Variants in JADE3 observed in about 807,000 individuals in gnomAD.
JADE3 encodes jade family PHD finger 3, also known as protein Jade-3.
A neutral mutation model predicts 50.1 loss-of-function variants in JADE3; 2 were observed. The ratio of observed to expected loss-of-function variants is 0.04; its 90% CI spans 0.02 to 0.13. The LOEUF (loss-of-function observed/expected upper bound fraction) is 0.13. JADE3 is among the 10% of genes least tolerant of loss of function. The pLI, the probability that JADE3 is intolerant of heterozygous loss-of-function variation, is 1.00. For synonymous variants in JADE3, 218 were observed against 232.9 expected (o/e 0.94, Z 0.58); for missense variants, 475 against 634.4 (o/e 0.75, Z 2.70).
chrX:47,051,158 G>A (rs1393426728), intron 8 of JADE3, among the ~76,000 whole-genome samples: 2 of 110,973 alleles, frequency 1.8e-5, no homozygotes, highest in African/African-American at 6.6e-5. Context: ...AGAAAATCAG[G>A]TACTCTCGAG....
intron 1 of JADE3, among the ~76,000 whole-genome samples, chrX:46,922,874 C>A (rs1556338066): frequency 1.8e-5 from 2 of 111,563 alleles, no homozygotes; most frequent in Non-Finnish European, 3.8e-5. Context: ...GTTTTCTTGC[C>A]TTTTGTTACG....
At position 47,061,069 on chromosome X, in the gene JADE3, A is replaced by G. The variant is rs1929770385; in HGVS notation, c.*1992A>G. ...GAAGGAGCCTTCAGTTGTAAATTTC[A>G]ATTACCCCAAAATGTATTTGCTACA... On this transcript the variant is annotated 3_prime_UTR_variant, in exon 11 of 11. Transcript: ENST00000614628. The G allele has an allele frequency of 8.9e-6, 1 of 111,876 alleles. No homozygotes were observed. The highest frequency in any genetic ancestry group is 1.9e-5 in the Non-Finnish European group (1 of 53,078). 9.2% of individuals were successfully genotyped at this position (111,876 alleles called of 1,213,427 possible). A position where few individuals can be genotyped will look rare whatever the true frequency, so the allele number is the denominator to read the frequency against.
intron 1 of JADE3, among the ~76,000 whole-genome samples, chrX:46,953,244 C>T (rs1376917094): frequency 3.4e-5 from 3 of 86,968 alleles, no homozygotes; most frequent in Admixed American, 1.6e-4. Context: ...TCCAGTTTCT[C>T]TGAGCATTAG....
chrX:46,972,028 G>A (rs1365287991), intron 1 of JADE3, among the ~76,000 whole-genome samples: 4 of 110,568 alleles, frequency 3.6e-5, no homozygotes, highest in Non-Finnish European at 7.6e-5. Flanking sequence ...AGTTTAGACC[G>A]GAGGTTGACA....
intron 1 of JADE3, among the ~76,000 whole-genome samples, chrX:46,933,052 A>G (rs1926529527): frequency 8.9e-6 from 1 of 112,167 alleles, no homozygotes; most frequent in African/African-American, 3.2e-5. Flanking sequence ...AAAATATACT[A>G]TAGCTCATGT....
intron 4 of JADE3, among the ~76,000 whole-genome samples, chrX:47,015,581 C>CA (rs56831185): frequency 0.4 from 26,509 of 66,923 alleles, 5,194 homozygotes; most frequent in African/African-American, 0.69. Context: ...AAGACTGTCT[C>CA]AAAAAAAAAA....
intron 7 of JADE3, among the ~76,000 whole-genome samples, chrX:47,034,577 G>T (rs1929092034): frequency 9.1e-6 from 1 of 110,496 alleles, no homozygotes; most frequent in East Asian, 2.8e-4. Flanking sequence ...CTGTGATGAT[G>T]CCCTTTACTT....
chrX:47,059,260 C>A lies in JADE3; in HGVS notation c.*183C>A. ...AAGTCTAGTTTTTACAAGCACATTA[C>A]AGTAATTGCAGGTTGTCCAGAGGTT... On this transcript the variant is annotated 3_prime_UTR_variant, in exon 11 of 11. Coordinates refer to ENST00000614628, the MANE Select transcript of JADE3 (RefSeq NM_014735.5). 2.4e-6 allele frequency: 1 copy of A among 409,255 alleles called. No individual in the cohort carries two copies. The highest frequency in any genetic ancestry group is 4.1e-6 in the Non-Finnish European group (1 of 242,466). The allele number at this position is 409,255 out of a possible 1,213,427, so 33.7% of individuals were successfully genotyped here. A position where few individuals can be genotyped will look rare whatever the true frequency, so the allele number is the denominator to read the frequency against.
At chrX:46,988,819 A>G (rs993371209) in intron 3 of JADE3, among the ~76,000 whole-genome samples, 7 of 112,527 alleles carry the variant, frequency 6.2e-5, no homozygotes, top group African/African-American at 1.9e-4. Flanking sequence ...AACTGAAGCA[A>G]TATTGCCATT....
chrX:46,959,217 T>C (rs1927201039), intron 1 of JADE3, among the ~76,000 whole-genome samples: 1 of 112,594 alleles, frequency 8.9e-6, no homozygotes, highest in South Asian at 3.7e-4. Flanking sequence ...AATCTCCTTT[T>C]CTCACCTGTG....
At position 47,024,724 on chromosome X, in the gene JADE3, G is replaced by A. The variant is rs1556365140; in HGVS notation, c.285G>A (p.Arg95=). 1.7e-6 allele frequency: 2 copies of A among 1,158,718 alleles called. No homozygotes were observed. The highest frequency in any genetic ancestry group is 3.8e-5 in the South Asian group (2 of 52,090). Residue 95 remains arginine, a splice_region_variant and synonymous_variant, in exon 5 of 11, where the codon AGG becomes AGA. Transcript: ENST00000614628. The part of the protein sequence containing the change: ...SPDTVPQPSL[R]IIAEKVKDVL... ...CATTGTCTTTCTGTTGCTTTTCTAG[G>A]ATTATAGCTGAGAAGGTAAAGGACG...
chrX:47,036,344 A>C (rs1189883743), intron 7 of JADE3, among the ~76,000 whole-genome samples: 1 of 111,088 alleles, frequency 9.0e-6, no homozygotes, highest in African/African-American at 3.3e-5. Flanking sequence ...GCAGCCAAAA[A>C]ACACATGAAA....
At chrX:46,993,593 T>G (rs1928062028) in intron 3 of JADE3, among the ~76,000 whole-genome samples, 1 of 112,101 alleles carries the variant, frequency 8.9e-6, no homozygotes, top group Admixed American at 9.5e-5. Flanking sequence ...GTACATTGCT[T>G]TATGGTAATT....
intron 1 of JADE3, among the ~76,000 whole-genome samples, chrX:46,949,510 A>G (rs1315585682): frequency 8.9e-6 from 1 of 111,841 alleles, no homozygotes; most frequent in Non-Finnish European, 1.9e-5. Context: ...CAACACTTGT[A>G]TTGTTGATGT....
chrX:46,939,224 T>C (rs1316390642), intron 1 of JADE3, among the ~76,000 whole-genome samples: 2 of 112,181 alleles, frequency 1.8e-5, no homozygotes, highest in Non-Finnish European at 3.8e-5. Context: ...TTTTTTTCTT[T>C]GTATTACTTT....
At chrX:46,963,810 G>A (rs1272617529) in intron 1 of JADE3, among the ~76,000 whole-genome samples, 4 of 111,630 alleles carry the variant, frequency 3.6e-5, no homozygotes, top group African/African-American at 1.3e-4. Context: ...TGAGGCCTAG[G>A]CTCTGAACTG....
intron 1 of JADE3, among the ~76,000 whole-genome samples, chrX:46,982,672 A>G (rs1927781839): frequency 9.0e-6 from 1 of 110,973 alleles, no homozygotes; most frequent in Non-Finnish European, 1.9e-5. Context: ...ACCCTGCAGT[A>G]TGAAGCCTCT....
intron 1 of JADE3, among the ~76,000 whole-genome samples, chrX:46,947,885 T>G (rs1415404327): frequency 2.7e-5 from 3 of 111,342 alleles, no homozygotes; most frequent in African/African-American, 9.8e-5. Flanking sequence ...TTTGGAGCCT[T>G]CCTTTCTTCC....
intron 8 of JADE3, among the ~76,000 whole-genome samples, chrX:47,048,597 T>A (rs782780559): frequency 8.9e-6 from 1 of 112,064 alleles, no homozygotes; most frequent in African/African-American, 3.2e-5. Context: ...CACATATTGT[T>A]GTAATTCCAC....
Sources: gnomAD v4.1 joint callset for allele counts (sites outside exome capture counted in the v4.1 genomes callset) on GRCh38, gnomAD v4.1.1 for gene constraint, MANE v1.5 for transcripts, NCBI Gene and HGNC (gene_info 2026-07-23, HGNC 2026-07-21) for gene names.